Variants in STON2 observed in about 807,000 individuals in gnomAD.
STON2 encodes stonin-2.
STON2 carries 29 observed loss-of-function variants against 65.7 expected under a neutral mutation model. The observed-to-expected ratio is 0.44, with a 90% CI of 0.33 to 0.60. The LOEUF is 0.60. Among genes scored for constraint, STON2 ranks in the 20% least tolerant of loss-of-function variants. The probability of loss-of-function intolerance (pLI) is 0.03; values close to 1 mark genes in which losing one functional copy is unlikely to be tolerated. For missense variants in STON2, 1,054 were observed against 1,118.1 expected (o/e 0.94, Z 0.82); for synonymous variants, 404 against 414.2 (o/e 0.98, Z 0.30).
intron 5 of STON2, among the ~76,000 whole-genome samples, chr14:81,319,032 G>A (rs187366596): frequency 3.3e-5 from 5 of 152,266 alleles, no homozygotes; most frequent in African/African-American, 9.6e-5. Context: ...AGAATAACAT[G>A]CTAAAGGTAG....
intron 3 of STON2, among the ~76,000 whole-genome samples, chr14:81,391,644 G>A (rs187377881): frequency 3.9e-4 from 60 of 152,314 alleles, no homozygotes; most frequent in Non-Finnish European, 4.3e-4. Context: ...GTCAAGTTGG[G>A]TATTGGCAGA....
chr14:81,368,949 T>A (rs1260940261), intron 4 of STON2, among the ~76,000 whole-genome samples: 1 of 152,076 alleles, frequency 6.6e-6, no homozygotes, highest in Non-Finnish European at 1.5e-5. Flanking sequence ...TCAGATCCAC[T>A]CTATCTGCTC....
Position 81,266,924 on chromosome 14 carries a change from A to G in STON2, c.*1490T>C. ...GTTTCTCATTAATGCCTATTCAATC[A>G]TCATTTTACTTTCAGTCTTAGTTCA... is the stretch of plus-strand genomic sequence containing the variant. On this transcript the variant is annotated 3_prime_UTR_variant, in exon 8 of 8. Transcript: ENST00000614646. 2 of 984,304 alleles carry G rather than the reference A, an allele frequency of 2.0e-6. No homozygotes were observed. Among genetic ancestry groups the G allele is most frequent in the Non-Finnish European group, 2.4e-6 (2 of 828,930 alleles). The allele number at this position is 984,304 out of a possible 1,614,324, so 61.0% of individuals were successfully genotyped here. A position where few individuals can be genotyped will look rare whatever the true frequency, so the allele number is the denominator to read the frequency against.
intron 3 of STON2, among the ~76,000 whole-genome samples, chr14:81,380,860 A>G (rs1050673563): frequency 3.9e-5 from 6 of 152,236 alleles, no homozygotes; most frequent in African/African-American, 7.2e-5. Flanking sequence ...TTGAAAAACT[A>G]CCTATTGGGT....
chr14:81,405,271 T>G (rs1353695042), upstream of STON2, among the ~76,000 whole-genome samples: 1 of 152,174 alleles, frequency 6.6e-6, no homozygotes, highest in African/African-American at 2.4e-5. Context: ...CCCATGAATT[T>G]TGTATCTTAT....
At chr14:81,282,301 G>A (rs1845937752) in intron 5 of STON2, among the ~76,000 whole-genome samples, 1 of 152,180 alleles carries the variant, frequency 6.6e-6, no homozygotes, top group Non-Finnish European at 1.5e-5. Context: ...AGGACATATT[G>A]TTGAGTGAAT....
At chr14:81,391,400 G>A (rs1211808865) in intron 3 of STON2, among the ~76,000 whole-genome samples, 1 of 152,214 alleles carries the variant, frequency 6.6e-6, no homozygotes, top group Non-Finnish European at 1.5e-5. Context: ...TGAATGGAAT[G>A]ACTGTGTAAC....
chr14:81,274,768 T>A (rs1285003921), intron 6 of STON2, among the ~76,000 whole-genome samples: 3 of 151,980 alleles, frequency 2.0e-5, no homozygotes, highest in African/African-American at 7.3e-5. Flanking sequence ...AAAACCTGTC[T>A]CTACTAAAAA....
chr14:81,426,921 G>A (rs1489661469), intron 2 of STON2, among the ~76,000 whole-genome samples: 4 of 152,028 alleles, frequency 2.6e-5, no homozygotes, highest in East Asian at 1.9e-4. Flanking sequence ...TTCACCTACC[G>A]CTTTATTTTT....
At chr14:81,427,811 A>T (rs1470172585) in intron 1 of STON2, among the ~76,000 whole-genome samples, 3 of 152,112 alleles carry the variant, frequency 2.0e-5, no homozygotes, top group Non-Finnish European at 2.9e-5. Flanking sequence ...TCCTCCTACC[A>T]GGCATCTCCC....
rs116358752 is a variant in STON2, at chr14:81,362,222, G to A, written c.571+8766C>T. The stretch of plus-strand genomic sequence containing the variant: ...CACTATTAAACAATACACAAGTTAT[G>A]GAATCAACCTAAGTGTCCATCAGTG... On this transcript the variant is annotated intron_variant, in intron 4 of 7. Transcript: ENST00000614646. Among the ~76,000 whole-genome samples, 901 of 152,198 alleles carry A rather than the reference G, an allele frequency of 5.9e-3. 10 individuals carry two copies. The highest frequency in any genetic ancestry group is 0.021 in the African/African-American group (860 of 41,522).
chr14:81,339,002 T>A (rs925778249), intron 4 of STON2, among the ~76,000 whole-genome samples: 1 of 151,614 alleles, frequency 6.6e-6, no homozygotes, highest in Non-Finnish European at 1.5e-5. Context: ...GCAAAGAGTG[T>A]GTGTAGGGAG....
chr14:81,357,766 T>A (rs1188499920), intron 4 of STON2, among the ~76,000 whole-genome samples: 2 of 152,050 alleles, frequency 1.3e-5, no homozygotes, highest in Non-Finnish European at 2.9e-5. Flanking sequence ...GAAGTCATCA[T>A]TCTCAGTAAA....
At chr14:81,338,617 A>G (rs1897468948) in intron 4 of STON2, among the ~76,000 whole-genome samples, 1 of 152,238 alleles carries the variant, frequency 6.6e-6, no homozygotes, top group Non-Finnish European at 1.5e-5. Context: ...GTGACAACCT[A>G]CTACAAGCAA....
intron 5 of STON2, among the ~76,000 whole-genome samples, chr14:81,298,292 C>G (rs574030419): frequency 4.0e-4 from 61 of 152,112 alleles, no homozygotes; most frequent in African/African-American, 1.5e-3. Flanking sequence ...AAACAAAGCA[C>G]AGCAGCTGGA....
At chr14:81,294,598 T>G (rs1427268752) in intron 5 of STON2, among the ~76,000 whole-genome samples, 1 of 152,242 alleles carries the variant, frequency 6.6e-6, no homozygotes, top group Non-Finnish European at 1.5e-5. Flanking sequence ...GAAGTATATA[T>G]AGCAAACATT....
Position 81,398,568 on chromosome 14 carries a change from G to A in STON2, c.-186C>T, listed in dbSNP as rs1900448454. On this transcript the variant is annotated 5_prime_UTR_variant, in exon 2 of 8. Coordinates refer to ENST00000614646, the MANE Select transcript of STON2 (RefSeq NM_001394390.1). The stretch of plus-strand genomic sequence containing the variant: ...AGCCTCTCTTGCCGTTGGTTAATCT[G>A]CCAGGCAGAAATCTGTTTAACAAAC... 4.3e-6 allele frequency: 2 copies of A among 469,138 alleles called. No individual in the cohort carries two copies. Among genetic ancestry groups the A allele is most frequent in the Admixed American group, 3.9e-5 (1 of 25,680 alleles). 29.1% of individuals were successfully genotyped at this position (469,138 alleles called of 1,614,324 possible).
At chr14:81,412,670 C>G (rs527842078) in intron 2 of STON2, among the ~76,000 whole-genome samples, 1 of 138,636 alleles carries the variant, frequency 7.2e-6, no homozygotes. Flanking sequence ...AGTTGCACAA[C>G]GATGTGAAAG....
intron 5 of STON2, among the ~76,000 whole-genome samples, chr14:81,298,864 G>A (rs1208454952): frequency 6.6e-6 from 1 of 152,160 alleles, no homozygotes; most frequent in African/African-American, 2.4e-5. Flanking sequence ...TGTTTGAAGT[G>A]TATTAATCTG....
Sources: allele counts gnomAD v4.1 joint callset (sites outside exome capture counted in the v4.1 genomes callset), GRCh38; gene constraint gnomAD v4.1.1; transcripts MANE v1.5; gene names NCBI Gene and HGNC (gene_info 2026-07-23, HGNC 2026-07-21).